TRIP4: variants seen among roughly 807,000 people sequenced by gnomAD.
TRIP4 encodes the protein activating signal cointegrator 1.
A neutral mutation model predicts 81.8 loss-of-function variants in TRIP4; 54 were observed. The ratio of observed to expected loss-of-function variants is 0.66; its 90% CI spans 0.53 to 0.83. TRIP4 has a LOEUF of 0.83. TRIP4 is among the 40% of genes least tolerant of loss of function. The pLI is 0.00. For missense variants in TRIP4, 662 were observed against 683.6 expected (o/e 0.97, Z 0.35); for synonymous variants, 270 against 242.8 (o/e 1.11, Z -1.04).
intron 12 of TRIP4, 79 bp downstream of exon 12, chr15:64,445,187 A>G: frequency 2.8e-6 from 2 of 711,546 alleles, no homozygotes; most frequent in Non-Finnish European, 4.9e-6. Context: ...CAAGGAGTTC[A>G]ATCTATAACT....
At chr15:64,413,384 C>G (rs1195248895) in intron 7 of TRIP4, among the ~76,000 whole-genome samples, 2 of 151,798 alleles carry the variant, frequency 1.3e-5, no homozygotes, top group African/African-American at 4.8e-5. Flanking sequence ...TCTATGTTGC[C>G]CAAGCTGGTC....
chr15:64,450,323 A>G (rs1463702599), intron 12 of TRIP4, among the ~76,000 whole-genome samples: 1 of 141,548 alleles, frequency 7.1e-6, no homozygotes, highest in African/African-American at 2.6e-5. Flanking sequence ...CGGGAGGCGG[A>G]GCTTGCAGTG....
chr15:64,416,853 G>A (rs913427113), intron 8 of TRIP4, among the ~76,000 whole-genome samples: 1 of 152,014 alleles, frequency 6.6e-6, no homozygotes, highest in Non-Finnish European at 1.5e-5. Flanking sequence ...TGCCACAATT[G>A]ACAAGAATCA....
intron 1 of TRIP4, among the ~76,000 whole-genome samples, chr15:64,391,477 A>C (rs962729326): frequency 3.3e-5 from 5 of 152,054 alleles, no homozygotes; most frequent in African/African-American, 1.2e-4. Context: ...TTAGTGATAC[A>C]TTTATAAGAC....
intron 5 of TRIP4, among the ~76,000 whole-genome samples, chr15:64,403,268 T>C (rs1891553163): frequency 6.6e-6 from 1 of 152,210 alleles, no homozygotes; most frequent in African/African-American, 2.4e-5. Flanking sequence ...GCGATTCTCC[T>C]GCCTCAGCCT....
chr15:64,394,688 T>G (rs1490569016), intron 2 of TRIP4, among the ~76,000 whole-genome samples: 3 of 152,052 alleles, frequency 2.0e-5, no homozygotes, highest in African/African-American at 7.2e-5. Flanking sequence ...TTTGAAAAAT[T>G]TATACATAAA....
At chr15:64,434,321 C>T (rs1387057351) in intron 11 of TRIP4, among the ~76,000 whole-genome samples, 3 of 151,720 alleles carry the variant, frequency 2.0e-5, no homozygotes, top group Non-Finnish European at 1.5e-5. Context: ...ATCACTTCAA[C>T]CCAGGAGGCA....
chr15:64,430,472 T>TAA (rs1892244096), intron 11 of TRIP4, among the ~76,000 whole-genome samples: 2 of 152,196 alleles, frequency 1.3e-5, no homozygotes, highest in African/African-American at 2.4e-5. Context: ...AAGGCTGTGG[T>TAA]TTGTAACCTC....
chr15:64,415,994 C>T (rs959886366), intron 8 of TRIP4, among the ~76,000 whole-genome samples: 1 of 152,140 alleles, frequency 6.6e-6, no homozygotes, highest in African/African-American at 2.4e-5. Flanking sequence ...ATTGCAATAG[C>T]ACCATGGAAA....
intron 11 of TRIP4, among the ~76,000 whole-genome samples, chr15:64,430,601 A>G (rs1328623205): frequency 6.6e-6 from 1 of 152,196 alleles, no homozygotes; most frequent in Non-Finnish European, 1.5e-5. Flanking sequence ...TCAAACAAAA[A>G]GTTGAGTTGG....
At chr15:64,451,101 G>T in intron 12 of TRIP4, 1 of 162,342 alleles carries the variant, frequency 6.2e-6, no homozygotes, top group Non-Finnish European at 1.4e-5. Flanking sequence ...AGGAGACTTT[G>T]AATTTATGAA....
intron 11 of TRIP4, among the ~76,000 whole-genome samples, chr15:64,431,847 A>ATATATATATATATATATATATTTTTT: frequency 8.4e-6 from 1 of 119,560 alleles, no homozygotes; most frequent in African/African-American, 3.3e-5. Context: ...ATATATATAT[A>ATATATATATATATATATATATTTTTT]TTTTTTTTAT....
intron 11 of TRIP4, among the ~76,000 whole-genome samples, chr15:64,430,728 C>A (rs1384713123): frequency 2.0e-5 from 3 of 152,150 alleles, no homozygotes; most frequent in Admixed American, 6.6e-5. Flanking sequence ...TTCTTCTGAA[C>A]TGAATCCATT....
rs1487706852 is a variant in TRIP4, at chr15:64,435,234, AAAAG to A, written c.1575+9605_1575+9608del. On this transcript the variant is annotated intron_variant, in intron 11 of 12. Transcript: ENST00000261884. ...ATCTCAAAAAAAAAAAAAAAAAAAA[AAAAG>A]ATGCCGGGTGCAGTGGCTCACGCCT... 8.0e-5 allele frequency among the ~76,000 whole-genome samples: 12 copies of A among 149,666 alleles called. No homozygotes were observed. In the South Asian group the frequency reaches 2.5e-3, roughly 32 times the overall value.
At chr15:64,429,023 G>A (rs1486499251) in intron 11 of TRIP4, among the ~76,000 whole-genome samples, 1 of 151,880 alleles carries the variant, frequency 6.6e-6, no homozygotes, top group African/African-American at 2.4e-5. Flanking sequence ...TTTAAAAGTT[G>A]TAGCTTTTGG....
intron 10 of TRIP4, among the ~76,000 whole-genome samples, chr15:64,425,235 A>C (rs952809682): frequency 1.3e-5 from 2 of 151,984 alleles, no homozygotes; most frequent in Admixed American, 6.6e-5. Context: ...AATCTGATCC[A>C]ATGGCGTATA....
intron 6 of TRIP4, 144 bp downstream of exon 6, chr15:64,406,603 C>G (rs1311844478): frequency 1.0e-6 from 1 of 973,324 alleles, no homozygotes; most frequent in African/African-American, 1.7e-5. Flanking sequence ...CATAGGAGGC[C>G]TACATCTTGT....
Position 64,387,954 on chromosome 15 carries a change from G to A in TRIP4, c.91G>A (p.Glu31Lys). ...GACTTTCGGCCTGGATGTCAGCGAG[G>A]AGATCATTCAGTGAGAACAGTTCGG... ...RKTFGLDVSE[E>K]IIQYVLSIES... The change falls in exon 1 of 13, where the codon GAG becomes AAG. Residue 31 changes from glutamate (E) to lysine (K), a missense_variant. By Grantham distance (56) the Glu-to-Lys change is moderately conservative. Transcript: ENST00000261884. The A allele has an allele frequency of 6.4e-7, 1 of 1,550,698 alleles. No individual in the cohort carries two copies. The highest frequency in any genetic ancestry group is 8.7e-7 in the Non-Finnish European group (1 of 1,146,748).
Position 64,406,458 on chromosome 15 carries a change from A to G in TRIP4, c.826A>G (p.Ser276Gly). The part of the protein sequence containing the change: ...KDKLLEFDRT[S>G]IRRTQVIDDE... Reference sequence around the variant, plus strand: ...CAAACTGTTAGAGTTTGACAGAACTAGGTATGAAAGGGTTAGAATAACAAA... The same window carrying G: ...CAAACTGTTAGAGTTTGACAGAACTGGGTATGAAAGGGTTAGAATAACAAA... The change falls in exon 6 of 13, where the codon AGT becomes GGT. Residue 276 changes from serine to glycine, a missense_variant and splice_region_variant. Ser to Gly is a moderately conservative substitution (Grantham distance 56). Coordinates refer to ENST00000261884, the MANE Select transcript of TRIP4 (RefSeq NM_016213.5). The G allele has an allele frequency of 1.2e-6, 2 of 1,613,002 alleles. No homozygotes were observed. The highest frequency in any genetic ancestry group is 1.7e-6 in the Non-Finnish European group (2 of 1,179,754).
Sources: gnomAD v4.1 joint callset for allele counts (sites outside exome capture counted in the v4.1 genomes callset) on GRCh38, gnomAD v4.1.1 for gene constraint, MANE v1.5 for transcripts, NCBI Gene and HGNC (gene_info 2026-07-23, HGNC 2026-07-21) for gene names.